The following NSD2 variants were observed in gnomAD, a reference collection of about 807,000 sequenced individuals.
NSD2 encodes histone-lysine N-methyltransferase NSD2.
NSD2 carries 12 observed loss-of-function variants against 139.0 expected under a neutral mutation model. The ratio of observed to expected loss-of-function variants is 0.09; its 90% CI spans 0.06 to 0.14. The LOEUF (loss-of-function observed/expected upper bound fraction) is 0.14. Ranked by LOEUF, NSD2 falls within the 10% of genes least tolerant of loss-of-function variation. NSD2 has a pLI of 1.00. For synonymous variants in NSD2, 669 were observed against 648.7 expected, an observed-to-expected ratio of 1.03 and a Z score of -0.48; for missense variants, 1,155 against 1,745.0, an observed-to-expected ratio of 0.66 and a Z score of 6.02.
rs199762353 is a variant in NSD2 at position 1,918,294 on chromosome 4, A to C, written c.1081A>C (p.Lys361Gln). The C allele has an allele frequency of 1.5e-4, 241 of 1,614,058 alleles. 1 individual carries two copies. The East Asian group carries it at 4.0e-3, about 27-fold the overall frequency. The change falls in exon 5 of 22, where the codon AAG (lysine) becomes CAG (glutamine). Residue 361 changes from lysine to glutamine, a missense_variant. Lys to Gln is a moderately conservative substitution (Grantham distance 53). This residue lies in a region of NSD2 where 420 missense variants were observed against 469.0 expected (regional missense o/e 0.90). Transcript: ENST00000508803. ...DQLHLNPQVA[K>Q]EAGIAAESLG... ...GCTTCATCTCAACCCTCAAGTAGCCAAGGAGGCTGGCATTGCTGCAGAGTC... is the reference window on the plus strand; with the variant it reads ...GCTTCATCTCAACCCTCAAGTAGCCCAGGAGGCTGGCATTGCTGCAGAGTC...
chr4:1,959,139 A>G (rs1725120501), intron 16 of NSD2, among the ~76,000 whole-genome samples: 3 of 152,240 alleles, frequency 2.0e-5, no homozygotes, highest in Admixed American at 2.0e-4. Context: ...CCTGCAGTGT[A>G]CTAAGCAATC....
rs1312456687 is a variant in NSD2 at position 1,976,624 on chromosome 4, G to A, written c.3771G>A (p.Lys1257=). ...GGCAGCTGGTGCTGTGTGACCGCAA[G>A]TTCTGCACCAAGGCCTACCACCTGT... ...DGGQLVLCDR[K]FCTKAYHLSC... Residue 1257 remains lysine (K), a synonymous_variant, in exon 21 of 22, where the codon AAG becomes AAA. Coordinates refer to ENST00000508803, the MANE Select transcript of NSD2 (RefSeq NM_001042424.3). The surrounding 1 kb of genome is among the most constrained non-coding windows in gnomAD (Gnocchi z 5.3). The A allele has an allele frequency of 2.5e-6, 4 of 1,608,496 alleles. No individual in the cohort carries two copies. The highest frequency in any genetic ancestry group is 1.3e-5 in the African/African-American group (1 of 75,022).
chr4:1,900,531 C>T, intron 1 of NSD2, 95 bp from the exon 2 acceptor site: 2 of 729,252 alleles, frequency 2.7e-6, no homozygotes, highest in Middle Eastern at 5.7e-4. Context: ...CAAAGAAAAT[C>T]AGACCCCACA....
chr4:1,898,256 T>A (rs1356273610), intron 1 of NSD2, among the ~76,000 whole-genome samples: 1 of 152,158 alleles, frequency 6.6e-6, no homozygotes, highest in Admixed American at 6.5e-5. Context: ...CTGGCTAATT[T>A]TTGTATTTTT....
chr4:1,920,340 C>T (rs1321141954), intron 5 of NSD2, among the ~76,000 whole-genome samples: 1 of 152,084 alleles, frequency 6.6e-6, no homozygotes, highest in Non-Finnish European at 1.5e-5. Flanking sequence ...ATCCCAGCTA[C>T]TCAGGAGGCT....
In NSD2 at chr4:1,916,912, G is replaced by T; in HGVS notation, c.802G>T (p.Gly268Cys). Reference protein sequence around the residue: ...SARQYHVQFFGDAPERAWIFE... With the variant: ...SARQYHVQFFCDAPERAWIFE... ...ACGCCAGTATCACGTACAGTTCTTT[G>T]GTGACGCCCCAGAAAGAGCTTGGAT... is the stretch of plus-strand genomic sequence containing the variant. Residue 268 changes from glycine (G) to cysteine (C), a missense_variant, in exon 4 of 22, where the codon GGT (glycine) becomes TGT (cysteine). By Grantham distance (159) the Gly-to-Cys change is radical (BLOSUM62 -3). Coordinates refer to ENST00000508803, the MANE Select transcript of NSD2 (RefSeq NM_001042424.3). 6.2e-7 allele frequency: 1 copy of T among 1,614,102 alleles called. No individual in the cohort carries two copies. The highest frequency in any genetic ancestry group is 8.5e-7 in the Non-Finnish European group (1 of 1,180,006).
At chr4:1,918,828 A>T (rs1719754591) in intron 5 of NSD2, 7 of 661,438 alleles carry the variant, frequency 1.1e-5, no homozygotes, top group Non-Finnish European at 1.7e-5. Flanking sequence ...GGGTCTTAAA[A>T]TATCCTTCCT....
At chr4:1,875,904 C>A (rs1460382699) in intron 1 of NSD2, among the ~76,000 whole-genome samples, 2 of 139,922 alleles carry the variant, frequency 1.4e-5, no homozygotes, top group African/African-American at 5.4e-5. Flanking sequence ...GAGACTCCAT[C>A]TCAAAAAAAA....
chr4:1,930,624 A>G lies in NSD2; in HGVS notation c.1411-2A>G. 6.3e-7 allele frequency: 1 copy of G among 1,598,016 alleles called. No individual in the cohort carries two copies. The highest frequency in any genetic ancestry group is 8.5e-7 in the Non-Finnish European group (1 of 1,171,976). ...TCATTGCACCTTCTCCCGTTCCCAC[A>G]GGTGGTAGCTGAGCACCCAGATGCT... On this transcript the variant is annotated splice_acceptor_variant, in intron 5 of 21. Transcript: ENST00000508803. LOFTEE classifies it high-confidence loss of function.
chr4:1,896,241 A>G (rs1577379472), intron 1 of NSD2, among the ~76,000 whole-genome samples: 1 of 151,606 alleles, frequency 6.6e-6, no homozygotes, highest in Non-Finnish European at 1.5e-5. Flanking sequence ...CCTGTCCTGC[A>G]CCTCCCTTCT....
intron 6 of NSD2, among the ~76,000 whole-genome samples, chr4:1,932,383 G>C (rs374618248): frequency 6.7e-6 from 1 of 148,218 alleles, no homozygotes; most frequent in African/African-American, 2.5e-5. Context: ...AGGTTGCAGT[G>C]AGGCAAGATC....
In NSD2 at chr4:1,955,961, C is replaced by T; in HGVS notation, c.2676-22C>T. The T allele has an allele frequency of 6.2e-7, 1 of 1,613,210 alleles. No individual in the cohort carries two copies. Among genetic ancestry groups the T allele is most frequent in the Non-Finnish European group, 8.5e-7 (1 of 1,179,634 alleles). On this transcript the variant is annotated intron_variant, in intron 14 of 21. Transcript: ENST00000508803. The surrounding 1 kb of genome is among the most constrained non-coding windows in gnomAD (Gnocchi z 4.7). ...GCTGTCTCTGAGGAGTCTGTGAATC[C>T]TGTTTTTAATATTTATAATAGATGG...
At chr4:1,944,527 T>C (rs1723421885) in intron 9 of NSD2, 1 of 1,065,474 alleles carries the variant, frequency 9.4e-7, no homozygotes, top group Admixed American at 5.4e-5. Flanking sequence ...TGTCTGTGCT[T>C]GGAGAGGGGA....
intron 3 of NSD2, among the ~76,000 whole-genome samples, chr4:1,909,248 C>T (rs1718345573): frequency 6.6e-6 from 1 of 151,996 alleles, no homozygotes; most frequent in Admixed American, 6.6e-5. Flanking sequence ...TCATCTTGTA[C>T]TGTTTTTCCC....
chr4:1,980,808 G>A lies in NSD2; in HGVS notation c.*1899G>A, dbSNP rs1377350322. 1.3e-5 allele frequency: 3 copies of A among 233,224 alleles called. No homozygotes were observed. The highest frequency in any genetic ancestry group is 6.0e-5 in the East Asian group (1 of 16,606). 14.4% of individuals were successfully genotyped at this position (233,224 alleles called of 1,614,324 possible). On this transcript the variant is annotated 3_prime_UTR_variant, in exon 22 of 22. Coordinates refer to ENST00000508803, the MANE Select transcript of NSD2 (RefSeq NM_001042424.3). ...ACTCGCCGGTTAAGACAGGGTGGGA[G>A]TAGTGCTTTCCAGTTCAGACTCTAA...
intron 9 of NSD2, among the ~76,000 whole-genome samples, chr4:1,949,673 A>G (rs1042249501): frequency 6.6e-6 from 1 of 151,872 alleles, no homozygotes; most frequent in Non-Finnish European, 1.5e-5. Context: ...CTGAGGCAGG[A>G]GAATCACTTG....
chr4:1,947,194 G>A (rs912112710), intron 9 of NSD2: 61 of 1,063,980 alleles, frequency 5.7e-5, no homozygotes, highest in Non-Finnish European at 6.5e-5. Flanking sequence ...TGGGATGGCC[G>A]CTGCTCAGGA....
intron 5 of NSD2, among the ~76,000 whole-genome samples, chr4:1,920,726 ACT>A (rs1327917168): frequency 2.0e-5 from 3 of 151,242 alleles, no homozygotes; most frequent in Admixed American, 6.6e-5. Flanking sequence ...ACAGAGTGAG[ACT>A]CTGTCTCATA....
intron 5 of NSD2, among the ~76,000 whole-genome samples, chr4:1,929,213 G>T (rs939839775): frequency 6.6e-6 from 1 of 152,076 alleles, no homozygotes; most frequent in African/African-American, 2.4e-5. Flanking sequence ...GGCAACAAGA[G>T]CCTCCCATGG....
Sources: allele counts gnomAD v4.1 joint callset (sites outside exome capture counted in the v4.1 genomes callset), GRCh38; gene constraint gnomAD v4.1.1; regional missense constraint gnomAD v4.1.1; non-coding constraint Gnocchi (gnomAD v3.1); transcripts MANE v1.5; gene names NCBI Gene and HGNC (gene_info 2026-07-23, HGNC 2026-07-21).